FAM81A: variants seen among roughly 807,000 people sequenced by gnomAD.
FAM81A encodes the protein protein FAM81A.
In FAM81A, 19 loss-of-function variants were observed where a neutral mutation model predicts 46.7. The ratio of observed to expected loss-of-function variants is 0.41; its 90% CI spans 0.28 to 0.60. The LOEUF (loss-of-function observed/expected upper bound fraction) is 0.60. Ranked by LOEUF, FAM81A falls within the 20% of genes least tolerant of loss-of-function variation. FAM81A has a pLI of 0.34. For synonymous variants in FAM81A, 183 were observed against 152.9 expected (o/e 1.20, Z -1.45); for missense variants, 377 against 453.5 (o/e 0.83, Z 1.53).
At chr15:59,486,456 A>G (rs1021916031) in intron 3 of FAM81A, among the ~76,000 whole-genome samples, 2 of 152,174 alleles carry the variant, frequency 1.3e-5, no homozygotes, top group Non-Finnish European at 2.9e-5. Flanking sequence ...TAGAGAGAGA[A>G]ATAGTGGTAG....
At chr15:59,479,239 C>T (rs1025005728) in intron 3 of FAM81A, among the ~76,000 whole-genome samples, 2 of 152,022 alleles carry the variant, frequency 1.3e-5, no homozygotes, top group Admixed American at 1.3e-4. Context: ...TGGCCGGGCG[C>T]GGTGGCTCAT....
rs1321138063 is a variant in FAM81A, at chr15:59,508,987, TA to T, written c.650+25del. ...GACACTAAGTAAGCAATCAATTTAT[TA>T]AAAAAATAAAACTTAAAGTTCTTTA... On this transcript the variant is annotated intron_variant, in intron 6 of 8. Coordinates refer to ENST00000288228, the MANE Select transcript of FAM81A (RefSeq NM_152450.3). The T allele has an allele frequency of 6.3e-7, 1 of 1,581,244 alleles. No individual in the cohort carries two copies. Among genetic ancestry groups the T allele is most frequent in the African/African-American group, 1.4e-5 (1 of 73,546 alleles).
intron 2 of FAM81A, among the ~76,000 whole-genome samples, chr15:59,419,089 A>T (rs1203396090): frequency 6.6e-6 from 1 of 152,232 alleles, no homozygotes; most frequent in Admixed American, 6.5e-5. Context: ...GTAGTTGGTT[A>T]CTAAAATCAT....
At chr15:59,405,804 T>G (rs931505221) in intron 2 of FAM81A, among the ~76,000 whole-genome samples, 6 of 152,172 alleles carry the variant, frequency 3.9e-5, no homozygotes, top group Non-Finnish European at 7.3e-5. Flanking sequence ...TTGAGTTATC[T>G]CATTTTGCTC....
chr15:59,399,347 A>C (rs1406471099), intron 1 of FAM81A, among the ~76,000 whole-genome samples: 1 of 152,110 alleles, frequency 6.6e-6, no homozygotes, highest in Non-Finnish European at 1.5e-5. Context: ...GCTGCAAAAG[A>C]TATTGGACAA....
At chr15:59,440,060 C>T (rs932144635) in intron 1 of FAM81A, 1 of 152,336 alleles carries the variant, frequency 6.6e-6, no homozygotes, top group Non-Finnish European at 1.5e-5. Flanking sequence ...GGATGCTCTT[C>T]CGCTTCTCCT....
chr15:59,434,901 C>T (rs762687362), upstream of FAM81A, among the ~76,000 whole-genome samples: 2 of 152,356 alleles, frequency 1.3e-5, no homozygotes, highest in African/African-American at 4.8e-5. Flanking sequence ...AGCCTACTTA[C>T]TATCCTTATA....
At chr15:59,444,387 G>GA (rs2081332852) in intron 1 of FAM81A, 1 of 152,044 alleles carries the variant, frequency 6.6e-6, no homozygotes, top group African/African-American at 2.4e-5. Context: ...GTTGTAAGTG[G>GA]AAAAAATGAT....
chr15:59,398,759 G>GAAAAAA (rs71119468), intron 1 of FAM81A, among the ~76,000 whole-genome samples: 17 of 41,410 alleles, frequency 4.1e-4, no homozygotes, highest in South Asian at 1.6e-3. Context: ...CTCTGTCTCA[G>GAAAAAA]AAAAAAAAAA....
chr15:59,480,376 GC>G (rs1267062135), intron 3 of FAM81A, among the ~76,000 whole-genome samples: 3 of 152,128 alleles, frequency 2.0e-5, no homozygotes, highest in African/African-American at 7.2e-5. Context: ...TGTCTGGGGG[GC>G]TTAGATGTCC....
intron 2 of FAM81A, among the ~76,000 whole-genome samples, chr15:59,431,057 C>A (rs1396923796): frequency 6.6e-6 from 1 of 151,804 alleles, no homozygotes; most frequent in African/African-American, 2.4e-5. Flanking sequence ...TGAATTGGTG[C>A]CTTTGATCTC....
chr15:59,462,630 A>G (rs76410763), intron 3 of FAM81A, among the ~76,000 whole-genome samples: 2,127 of 152,198 alleles, frequency 0.014, 39 homozygotes, highest in African/African-American at 0.049. Context: ...CATCATCCCA[A>G]AGTGAGACTT....
intron 3 of FAM81A, among the ~76,000 whole-genome samples, chr15:59,480,762 A>G (rs907396017): frequency 6.6e-6 from 1 of 152,188 alleles, no homozygotes; most frequent in Non-Finnish European, 1.5e-5. Flanking sequence ...TAACGATATA[A>G]TCTTTTTAAA....
chr15:59,469,181 A>C (rs1419257364), intron 3 of FAM81A, among the ~76,000 whole-genome samples: 2 of 152,218 alleles, frequency 1.3e-5, no homozygotes, highest in African/African-American at 4.8e-5. Flanking sequence ...AAGAATGTAT[A>C]TTCTGTTGAT....
intron 3 of FAM81A, among the ~76,000 whole-genome samples, chr15:59,481,542 T>C (rs1419882072): frequency 6.6e-6 from 1 of 152,116 alleles, no homozygotes; most frequent in Non-Finnish European, 1.5e-5. Flanking sequence ...TCATGCTCCA[T>C]ATTTATTTTC....
chr15:59,470,646 G>A (rs1472216707), intron 3 of FAM81A, among the ~76,000 whole-genome samples: 1 of 152,122 alleles, frequency 6.6e-6, no homozygotes, highest in Non-Finnish European at 1.5e-5. Flanking sequence ...CAATGGGTTA[G>A]AACATGCTCC....
At chr15:59,469,668 C>A (rs1408252112) in intron 3 of FAM81A, among the ~76,000 whole-genome samples, 1 of 151,998 alleles carries the variant, frequency 6.6e-6, no homozygotes, top group Non-Finnish European at 1.5e-5. Context: ...ACTCTTTATC[C>A]AATTTGCCAG....
At chr15:59,520,728 C>G (rs2082319298) in intron 8 of FAM81A, among the ~76,000 whole-genome samples, 1 of 152,114 alleles carries the variant, frequency 6.6e-6, no homozygotes, top group South Asian at 2.1e-4. Context: ...CCATACCCAG[C>G]TAATTTTTGT....
intron 3 of FAM81A, among the ~76,000 whole-genome samples, chr15:59,485,171 G>C (rs765024668): frequency 1.3e-5 from 2 of 152,282 alleles, no homozygotes; most frequent in South Asian, 4.2e-4. Context: ...CTGGACCTGC[G>C]TGGAGCCTGG....
Sources: gnomAD v4.1 joint callset for allele counts (sites outside exome capture counted in the v4.1 genomes callset) on GRCh38, gnomAD v4.1.1 for gene constraint, MANE v1.5 for transcripts, NCBI Gene and HGNC (gene_info 2026-07-23, HGNC 2026-07-21) for gene names.